Variants in MLYCD observed in about 807,000 individuals in gnomAD.
MLYCD encodes the protein malonyl-CoA decarboxylase, mitochondrial.
Under a neutral mutation model 35.8 loss-of-function variants are expected in MLYCD, and 27 were observed. That is an observed-to-expected ratio of 0.75 (90% confidence interval 0.56 to 1.04). MLYCD has a LOEUF of 1.04. Among genes scored for constraint, MLYCD ranks in the 50% least tolerant of loss-of-function variants. MLYCD has a pLI of 0.00. For synonymous variants in MLYCD, 403 were observed against 302.4 expected (o/e 1.33, Z -3.45); for missense variants, 917 against 665.1 (o/e 1.38, Z -4.17).
intron 3 of MLYCD, among the ~76,000 whole-genome samples, chr16:83,909,884 C>T (rs544996874): frequency 1.3e-5 from 2 of 151,854 alleles, no homozygotes; most frequent in African/African-American, 4.8e-5. Flanking sequence ...CTGCCCGCCG[C>T]GGCTTCCCAA....
In MLYCD at chr16:83,916,278, C is replaced by T; in HGVS notation, c.*789C>T. 1.2e-6 allele frequency: 1 copy of T among 850,910 alleles called. No individual in the cohort carries two copies. Among genetic ancestry groups the T allele is most frequent in the Non-Finnish European group, 1.4e-6 (1 of 705,468 alleles). The allele number at this position is 850,910 out of a possible 1,614,324, so 52.7% of individuals were successfully genotyped here. On this transcript the variant is annotated 3_prime_UTR_variant, in exon 5 of 5. Transcript: ENST00000262430. ...TACGGGGAGTTTGGGATGAAGGAGC[C>T]TGGGGTGTGTTGGATGAGAACAAAG...
intron 2 of MLYCD, 134 bp downstream of exon 2, chr16:83,907,233 C>T: frequency 1.2e-6 from 1 of 811,654 alleles, no homozygotes; most frequent in South Asian, 1.6e-5. Context: ...AATCCAAACA[C>T]AGTATTTGCA....
At chr16:83,902,366 A>T (rs911668980) in intron 1 of MLYCD, among the ~76,000 whole-genome samples, 4 of 151,280 alleles carry the variant, frequency 2.6e-5, no homozygotes, top group East Asian at 1.9e-4. Flanking sequence ...TAATTTTTTT[A>T]AAATCCCTGT....
chr16:83,916,796 T>C lies in MLYCD; in HGVS notation c.*1307T>C, dbSNP rs1907415909. 7.6e-6 allele frequency: 1 copy of C among 131,964 alleles called. No individual in the cohort carries two copies. Among genetic ancestry groups the C allele is most frequent in the African/African-American group, 3.0e-5 (1 of 33,656 alleles). The allele number at this position is 131,964 out of a possible 1,614,324, so 8.2% of individuals were successfully genotyped here. A position where few individuals can be genotyped will look rare whatever the true frequency, so the allele number is the denominator to read the frequency against. The stretch of plus-strand genomic sequence containing the variant: ...TGTGCATGTGCACGAGCGTTCTATG[T>C]GGATCAGTGCACGCCTGTGTGCGTG... On this transcript the variant is annotated 3_prime_UTR_variant, in exon 5 of 5. Coordinates refer to ENST00000262430, the MANE Select transcript of MLYCD (RefSeq NM_012213.3).
chr16:83,911,267 C>G (rs1221441949), intron 3 of MLYCD, among the ~76,000 whole-genome samples: 1 of 152,200 alleles, frequency 6.6e-6, no homozygotes, highest in Non-Finnish European at 1.5e-5. Context: ...CGTGAGCCAC[C>G]GCGCCCGGCC....
intron 1 of MLYCD, among the ~76,000 whole-genome samples, chr16:83,900,042 G>A (rs549325467): frequency 6.6e-6 from 1 of 152,182 alleles, no homozygotes; most frequent in Non-Finnish European, 1.5e-5. Context: ...ACCTGAACTA[G>A]AGCATCAGGC....
At chr16:83,908,667 A>G (rs1398516392) in intron 3 of MLYCD, among the ~76,000 whole-genome samples, 1 of 152,192 alleles carries the variant, frequency 6.6e-6, no homozygotes, top group Non-Finnish European at 1.5e-5. Flanking sequence ...AAGATACTTG[A>G]TTAGAAAATT....
chr16:83,907,073 G>T lies in MLYCD; in HGVS notation c.615G>T (p.Pro205=). Residue 205 remains proline, a synonymous_variant, in exon 2 of 5, where the codon CCG becomes CCT. Coordinates refer to ENST00000262430, the MANE Select transcript of MLYCD (RefSeq NM_012213.3). ...LNLERVTWHS[P]CEVLQKISEA... ...TAGAACGGGTTACCTGGCATTCACCGTGTGAAGTGCTTCAGAAAATCAGTG... is the reference window on the plus strand; with the variant it reads ...TAGAACGGGTTACCTGGCATTCACCTTGTGAAGTGCTTCAGAAAATCAGTG... The T allele has an allele frequency of 1.2e-6, 2 of 1,613,938 alleles. No individual in the cohort carries two copies. Among genetic ancestry groups the T allele is most frequent in the East Asian group, 4.5e-5 (2 of 44,898 alleles).
rs901689418 is a variant in MLYCD at position 83,924,238 on chromosome 16, G to T, written c.*8749G>T. 1 of 152,254 alleles carries T rather than the reference G, an allele frequency of 6.6e-6. No homozygotes were observed. Among genetic ancestry groups the T allele is most frequent in the Non-Finnish European group, 1.5e-5 (1 of 68,120 alleles). The allele number at this position is 152,254 out of a possible 1,614,324, so 9.4% of individuals were successfully genotyped here. A position where few individuals can be genotyped will look rare whatever the true frequency, so the allele number is the denominator to read the frequency against. ...ACTCAGCCCGGGCCGTGGTGGGAACGATGGTTGGCCCGGTTTGGAGATGGG... is the reference window on the plus strand; with the variant it reads ...ACTCAGCCCGGGCCGTGGTGGGAACTATGGTTGGCCCGGTTTGGAGATGGG... On this transcript the variant is annotated 3_prime_UTR_variant, in exon 5 of 5. Transcript: ENST00000262430.
chr16:83,912,077 C>A (rs921588507), intron 3 of MLYCD, 141 bp from the exon 4 acceptor site: 1 of 1,238,674 alleles, frequency 8.1e-7, no homozygotes, highest in Non-Finnish European at 1.2e-6. Flanking sequence ...GGCTCTGTAG[C>A]CTGAACCCCA....
At chr16:83,914,137 A>G (rs575702151) in intron 4 of MLYCD, 3 of 152,228 alleles carry the variant, frequency 2.0e-5, no homozygotes, top group African/African-American at 7.2e-5. Flanking sequence ...TAATTTTTTC[A>G]AAAAATATCT....
rs1255135505 is a variant in MLYCD at position 83,925,915 on chromosome 16, A to C, written c.*10426A>C. ...GGGCCTCTCCTTCCTGGTAGCTTCT[A>C]AACAAGGCAGTTTCATGTGTGTATC... On this transcript the variant is annotated 3_prime_UTR_variant, in exon 5 of 5. Coordinates refer to ENST00000262430, the MANE Select transcript of MLYCD (RefSeq NM_012213.3). 1 of 152,320 alleles carries C rather than the reference A, an allele frequency of 6.6e-6. No individual in the cohort carries two copies. Among genetic ancestry groups the C allele is most frequent in the Non-Finnish European group, 1.5e-5 (1 of 68,148 alleles). The allele number at this position is 152,320 out of a possible 1,614,324, so 9.4% of individuals were successfully genotyped here.
intron 3 of MLYCD, among the ~76,000 whole-genome samples, chr16:83,908,639 G>C (rs1208256861): frequency 6.6e-6 from 1 of 152,226 alleles, no homozygotes; most frequent in African/African-American, 2.4e-5. Flanking sequence ...TTTGTTAAAT[G>C]CCTGTGGGGA....
Position 83,919,969 on chromosome 16 carries a change from CAACAG to C in MLYCD, c.*4485_*4489del, listed in dbSNP as rs766187094. On this transcript the variant is annotated 3_prime_UTR_variant, in exon 5 of 5. Transcript: ENST00000262430. ...GAGAACACACGCAATTCACAGGACA[CAACAG>C]AACACACGCAGTGCACAGGACACAA... is the stretch of plus-strand genomic sequence containing the variant. The C allele has an allele frequency of 1.1e-3, 170 of 151,662 alleles. No homozygotes were observed. The highest frequency in any genetic ancestry group is 5.4e-3 in the Admixed American group (81 of 15,090). The allele number at this position is 151,662 out of a possible 1,614,324, so 9.4% of individuals were successfully genotyped here.
Position 83,921,841 on chromosome 16 carries a change from G to C in MLYCD, c.*6352G>C, listed in dbSNP as rs1416641006. ...CAAAAGCAGAACAAAAGCAGACAGCGGCCAGGTCTGAGGGTGATAGGCTAC... is the reference window on the plus strand; with the variant it reads ...CAAAAGCAGAACAAAAGCAGACAGCCGCCAGGTCTGAGGGTGATAGGCTAC... On this transcript the variant is annotated 3_prime_UTR_variant, in exon 5 of 5. Transcript: ENST00000262430. The C allele has an allele frequency of 1.4e-5, 2 of 138,262 alleles. No individual in the cohort carries two copies. The highest frequency in any genetic ancestry group is 2.5e-5 in the African/African-American group (1 of 40,122). 8.6% of individuals were successfully genotyped at this position (138,262 alleles called of 1,614,324 possible).
chr16:83,913,861 A>G (rs1384346247), intron 4 of MLYCD: 2 of 150,996 alleles, frequency 1.3e-5, no homozygotes, highest in Admixed American at 1.3e-4. Flanking sequence ...GGGAGCTACC[A>G]CGAATGCCCA....
rs1041812964 is a variant in MLYCD, at chr16:83,920,767, A to G, written c.*5278A>G. 1.3e-5 allele frequency: 2 copies of G among 152,282 alleles called. No individual in the cohort carries two copies. The highest frequency in any genetic ancestry group is 2.9e-5 in the Non-Finnish European group (2 of 68,050). The allele number at this position is 152,282 out of a possible 1,614,324, so 9.4% of individuals were successfully genotyped here. On this transcript the variant is annotated 3_prime_UTR_variant, in exon 5 of 5. Transcript: ENST00000262430. ...CAGGGAGAAATTGCATAACGAACCT[A>G]CAGACCTATCACCCAGCTTCCACAG...
At chr16:83,902,780 A>T (rs1906844104) in intron 1 of MLYCD, among the ~76,000 whole-genome samples, 1 of 152,198 alleles carries the variant, frequency 6.6e-6, no homozygotes, top group Non-Finnish European at 1.5e-5. Context: ...TGCTGGAATT[A>T]CAGGTGTGAA....
rs746784765 is a variant in MLYCD, at chr16:83,906,975, T to C, written c.529-12T>C. The C allele has an allele frequency of 1.9e-6, 3 of 1,611,386 alleles. No homozygotes were observed. The East Asian group carries it at 6.7e-5, about 36-fold the overall frequency. On this transcript the variant is annotated splice_polypyrimidine_tract_variant and intron_variant, in intron 1 of 4. Transcript: ENST00000262430. ...CACATTGGAGGCCTGGGATTTATCT[T>C]CTCCTTTTCAGGAAATGAATGGGGT...
Sources: allele counts gnomAD v4.1 joint callset (sites outside exome capture counted in the v4.1 genomes callset), GRCh38; gene constraint gnomAD v4.1.1; transcripts MANE v1.5; gene names NCBI Gene and HGNC (gene_info 2026-07-23, HGNC 2026-07-21).